Variants in FAM135B observed in about 807,000 individuals in gnomAD.
FAM135B encodes the protein family with sequence similarity 135 member B, also known as protein FAM135B.
Under a neutral mutation model 127.7 loss-of-function variants are expected in FAM135B, and 43 were observed. The ratio of observed to expected loss-of-function variants is 0.34; its 90% CI spans 0.26 to 0.43. The LOEUF (loss-of-function observed/expected upper bound fraction) is 0.43, where lower values mean the gene tolerates loss of function less well. Ranked by LOEUF, FAM135B falls within the 20% of genes least tolerant of loss-of-function variation. FAM135B has a pLI of 1.00. For missense variants in FAM135B, 1,558 were observed against 1,725.6 expected, an observed-to-expected ratio of 0.90 and a Z score of 1.72; for synonymous variants, 670 against 665.1, an observed-to-expected ratio of 1.01 and a Z score of -0.11.
chr8:138,162,112 G>A (rs1364054194), intron 12 of FAM135B, among the ~76,000 whole-genome samples: 3 of 152,190 alleles, frequency 2.0e-5, no homozygotes, highest in Non-Finnish European at 4.4e-5. Flanking sequence ...CCTAGGCAGT[G>A]GCTTAGGAGG....
chr8:138,424,536 T>C (rs1243527230), intron 1 of FAM135B, among the ~76,000 whole-genome samples: 1 of 152,210 alleles, frequency 6.6e-6, no homozygotes, highest in Non-Finnish European at 1.5e-5. Context: ...TAGTGCTAAA[T>C]GTCAGACTAA....
intron 18 of FAM135B, 106 bp downstream of exon 18, chr8:138,138,880 A>T: frequency 1.3e-6 from 1 of 749,870 alleles, no homozygotes; most frequent in Non-Finnish European, 2.3e-6. Flanking sequence ...CCTCCTGACT[A>T]GGCCCTTCTG....
intron 2 of FAM135B, among the ~76,000 whole-genome samples, chr8:138,315,518 C>T (rs765726546): frequency 7.2e-5 from 11 of 152,152 alleles, no homozygotes; most frequent in Non-Finnish European, 1.5e-4. Flanking sequence ...GAGATCTGCA[C>T]CTCCACCTTC....
chr8:138,149,307 C>A, intron 13 of FAM135B, among the ~76,000 whole-genome samples: 1 of 152,086 alleles, frequency 6.6e-6, no homozygotes, highest in East Asian at 1.9e-4. Flanking sequence ...AGGCCCCATG[C>A]AATCTTTAAA....
intron 1 of FAM135B, among the ~76,000 whole-genome samples, chr8:138,380,827 TCA>T (rs34375590): frequency 0.36 from 54,910 of 151,524 alleles, 10,420 homozygotes; most frequent in East Asian, 0.63. Context: ...CTGATGAATC[TCA>T]GTTATACCCA....
intron 1 of FAM135B, among the ~76,000 whole-genome samples, chr8:138,466,657 A>G (rs1304417997): frequency 6.6e-6 from 1 of 152,198 alleles, no homozygotes; most frequent in Non-Finnish European, 1.5e-5. Context: ...ATGAGCAGTA[A>G]GGACAAATTA....
chr8:138,253,904 A>C (rs1821888410), intron 5 of FAM135B, among the ~76,000 whole-genome samples: 1 of 152,216 alleles, frequency 6.6e-6, no homozygotes, highest in Admixed American at 6.5e-5. Flanking sequence ...ATTTATGAAA[A>C]TTAAAAAATG....
chr8:138,356,075 G>C (rs909432868), intron 2 of FAM135B, among the ~76,000 whole-genome samples: 4 of 152,112 alleles, frequency 2.6e-5, no homozygotes, highest in Admixed American at 2.6e-4. Flanking sequence ...TATCATGTAA[G>C]GACACAGCAC....
intron 3 of FAM135B, among the ~76,000 whole-genome samples, chr8:138,307,899 A>G (rs1459215040): frequency 1.3e-5 from 2 of 152,244 alleles, no homozygotes; most frequent in East Asian, 1.9e-4. Flanking sequence ...GCCTAAAGAT[A>G]TATTTTTCTT....
chr8:138,362,094 TC>T (rs1830454762), intron 2 of FAM135B, among the ~76,000 whole-genome samples: 1 of 152,132 alleles, frequency 6.6e-6, no homozygotes, highest in African/African-American at 2.4e-5. Context: ...AGTATTCATC[TC>T]CTCAAGCGTA....
Position 138,197,099 on chromosome 8 carries a change from GTGTGTGTGTGTGTGTGTGTA to G in FAM135B, c.823+397_823+416del, listed in dbSNP as rs771755940. Among the ~76,000 whole-genome samples the G allele has an allele frequency of 3.3e-3, 305 of 92,528 alleles. 1 individual carries two copies. The highest frequency in any genetic ancestry group is 8.1e-3 in the African/African-American group (216 of 26,642). 60.7% of individuals were successfully genotyped at this position (92,528 alleles called of 152,430 possible). ...TATGTGTGTGTGTGTGTGTGTGTGTGTGTGTGTGTGTGTGTGTGTATATATATAGTTTTTATGAGGATTGT... is the reference window on the plus strand; with the variant it reads ...TATGTGTGTGTGTGTGTGTGTGTGTGTATATATAGTTTTTATGAGGATTGT... On this transcript the variant is annotated intron_variant, in intron 8 of 19. Transcript: ENST00000395297.
intron 2 of FAM135B, among the ~76,000 whole-genome samples, chr8:138,324,828 C>A (rs530918068): frequency 6.6e-6 from 1 of 152,310 alleles, no homozygotes; most frequent in South Asian, 2.1e-4. Flanking sequence ...ACACCCTATC[C>A]TGACCGGGGG....
intron 1 of FAM135B, among the ~76,000 whole-genome samples, chr8:138,447,530 C>T (rs762372504): frequency 2.6e-5 from 4 of 152,052 alleles, no homozygotes; most frequent in Non-Finnish European, 2.9e-5. Context: ...TGGAACCTAT[C>T]GTTCTCAGCA....
chr8:138,373,849 A>G (rs1408282021), intron 1 of FAM135B, among the ~76,000 whole-genome samples: 1 of 152,088 alleles, frequency 6.6e-6, no homozygotes, highest in Non-Finnish European at 1.5e-5. Context: ...TTCTCACCTA[A>G]TAAATTTTGG....
intron 1 of FAM135B, among the ~76,000 whole-genome samples, chr8:138,421,349 A>G (rs999495875): frequency 6.6e-6 from 1 of 152,164 alleles, no homozygotes; most frequent in African/African-American, 2.4e-5. Context: ...AAGGTAAGAC[A>G]AACTATCTGT....
At chr8:138,304,280 C>G (rs1826081016) in intron 3 of FAM135B, among the ~76,000 whole-genome samples, 1 of 152,154 alleles carries the variant, frequency 6.6e-6, no homozygotes, top group Non-Finnish European at 1.5e-5. Flanking sequence ...TGATGGGATT[C>G]AAACTCCCAG....
intron 9 of FAM135B, among the ~76,000 whole-genome samples, chr8:138,181,364 A>G (rs546617955): frequency 6.6e-6 from 1 of 152,324 alleles, no homozygotes; most frequent in East Asian, 1.9e-4. Context: ...ACTTCTATAT[A>G]GATTCTTGAA....
At chr8:138,478,628 C>T (rs1179036348) in intron 1 of FAM135B, among the ~76,000 whole-genome samples, 2 of 152,050 alleles carry the variant, frequency 1.3e-5, no homozygotes, top group African/African-American at 4.8e-5. Context: ...CTCTACCTAC[C>T]AAAGTGGTGA....
intron 1 of FAM135B, among the ~76,000 whole-genome samples, chr8:138,396,625 C>T (rs1318552339): frequency 1.3e-5 from 2 of 152,136 alleles, no homozygotes; most frequent in Non-Finnish European, 2.9e-5. Context: ...GACATTGAAG[C>T]CCCTGGCAGG....
Sources: gnomAD v4.1 joint callset for allele counts (sites outside exome capture counted in the v4.1 genomes callset) on GRCh38, gnomAD v4.1.1 for gene constraint, MANE v1.5 for transcripts, NCBI Gene and HGNC (gene_info 2026-07-23, HGNC 2026-07-21) for gene names.